TRIO: variants seen among roughly 807,000 people sequenced by gnomAD.
TRIO encodes the protein trio Rho guanine nucleotide exchange factor.
TRIO carries 58 observed loss-of-function variants against 351.9 expected under a neutral mutation model. That is an observed-to-expected ratio of 0.16 (90% CI 0.13 to 0.21). TRIO has a LOEUF of 0.21. TRIO is among the 10% of genes least tolerant of loss of function. TRIO has a pLI of 1.00. For synonymous variants in TRIO, 1,758 were observed against 1,595.7 expected (o/e 1.10, Z -2.42); for missense variants, 3,201 against 4,027.8 (o/e 0.79, Z 5.56).
chr5:14,187,259 G>A (rs1362196483), intron 1 of TRIO, among the ~76,000 whole-genome samples: 1 of 152,266 alleles, frequency 6.6e-6, no homozygotes, highest in East Asian at 1.9e-4. Context: ...GCATTAACAA[G>A]GACTACAGAT....
chr5:14,498,892 G>A (rs1180529440), intron 53 of TRIO: 2 of 416,408 alleles, frequency 4.8e-6, no homozygotes, highest in Non-Finnish European at 4.2e-6. Flanking sequence ...GGAGGATGGG[G>A]GCCTGCCTGG....
At chr5:14,268,728 C>T (rs1320209775) in intron 1 of TRIO, among the ~76,000 whole-genome samples, 1 of 152,236 alleles carries the variant, frequency 6.6e-6, no homozygotes, top group Non-Finnish European at 1.5e-5. Flanking sequence ...GCACTTCGTG[C>T]TGCCTATGAA....
chr5:14,191,721 C>G (rs1324359591), intron 1 of TRIO, among the ~76,000 whole-genome samples: 1 of 152,094 alleles, frequency 6.6e-6, no homozygotes, highest in Non-Finnish European at 1.5e-5. Flanking sequence ...CTGAAGTTGA[C>G]AGTAATCAGA....
At chr5:14,503,619 C>A (rs1303374855) in intron 54 of TRIO, among the ~76,000 whole-genome samples, 1 of 152,250 alleles carries the variant, frequency 6.6e-6, no homozygotes, top group Non-Finnish European at 1.5e-5. Flanking sequence ...GCAGGAGCGT[C>A]AAGGCCTCTG....
At chr5:14,173,485 T>C (rs906229483) in intron 1 of TRIO, among the ~76,000 whole-genome samples, 2 of 152,160 alleles carry the variant, frequency 1.3e-5, no homozygotes, top group African/African-American at 4.8e-5. Flanking sequence ...GTGCTGGGAT[T>C]ACAGGTGTGA....
At position 14,504,552 on chromosome 5, in the gene TRIO, C is replaced by A; in HGVS notation, c.8571C>A (p.Asp2857Glu). ...LQHPLLVGLL[D>E]TFETPTSYIL... ...ACCCCCTGCTTGTCGGCCTCCTCGA[C>A]ACCTTTGAGACCCCCACCAGCTACA... The change falls in exon 55 of 57, where the codon GAC becomes GAA. Residue 2857 changes from aspartate (D) to glutamate (E), a missense_variant. Around this residue, in one of 19 missense-constraint regions of TRIO, gnomAD observed 1,089 missense variants for 954.9 expected, o/e 1.14. Coordinates refer to ENST00000344204, the MANE Select transcript of TRIO (RefSeq NM_007118.4). 1 of 1,614,158 alleles carries A rather than the reference C, an allele frequency of 6.2e-7. No individual in the cohort carries two copies.
chr5:14,291,635 G>C (rs573968876), intron 5 of TRIO, among the ~76,000 whole-genome samples: 1 of 151,188 alleles, frequency 6.6e-6, no homozygotes, highest in South Asian at 2.1e-4. Flanking sequence ...CTAAAAATAC[G>C]AAAATTAGCC....
intron 34 of TRIO, among the ~76,000 whole-genome samples, chr5:14,425,015 G>A (rs1386452339): frequency 6.6e-6 from 1 of 152,124 alleles, no homozygotes; most frequent in Non-Finnish European, 1.5e-5. Flanking sequence ...CATGGCTAAC[G>A]CACGTGAGGG....
intron 1 of TRIO, among the ~76,000 whole-genome samples, chr5:14,213,415 T>C (rs2152197467): frequency 1.3e-5 from 2 of 151,740 alleles, no homozygotes; most frequent in Middle Eastern, 3.4e-3. Context: ...CTCTAGCTGC[T>C]AGCAGAGGCG....
At chr5:14,203,119 T>C (rs1406424155) in intron 1 of TRIO, among the ~76,000 whole-genome samples, 1 of 152,188 alleles carries the variant, frequency 6.6e-6, no homozygotes, top group Non-Finnish European at 1.5e-5. Flanking sequence ...AGTAAACAAG[T>C]TTGATTATTC....
intron 1 of TRIO, among the ~76,000 whole-genome samples, chr5:14,161,287 G>C (rs995085472): frequency 6.6e-6 from 1 of 152,182 alleles, no homozygotes; most frequent in African/African-American, 2.4e-5. Context: ...TCTTGCCCCT[G>C]TTGGCCTGTG....
chr5:14,364,849 C>T (rs192683358), intron 15 of TRIO, 33 bp downstream of exon 15: 45 of 1,587,342 alleles, frequency 2.8e-5, no homozygotes, highest in East Asian at 1.6e-4. Context: ...GGGGAGGCTG[C>T]GCTACAGATG....
intron 49 of TRIO, among the ~76,000 whole-genome samples, chr5:14,493,988 G>A (rs1413682366): frequency 6.6e-6 from 1 of 152,226 alleles, no homozygotes; most frequent in Non-Finnish European, 1.5e-5. Flanking sequence ...TGAGAGAGAT[G>A]AGGAAGCTGC....
chr5:14,291,618 G>A (rs1173612992), intron 5 of TRIO, among the ~76,000 whole-genome samples: 2 of 151,630 alleles, frequency 1.3e-5, no homozygotes, highest in East Asian at 1.9e-4. Flanking sequence ...GTGAAACCCC[G>A]TCTCTACTAA....
intron 1 of TRIO, among the ~76,000 whole-genome samples, chr5:14,166,860 A>G (rs1485385076): frequency 6.6e-6 from 1 of 152,192 alleles, no homozygotes; most frequent in Non-Finnish European, 1.5e-5. Context: ...TGTCTGTGGA[A>G]TATGGGCATA....
In TRIO at chr5:14,401,002, C is replaced by A; in HGVS notation, c.4654C>A (p.Pro1552Thr). The change falls in exon 31 of 57, where the codon CCT (proline) becomes ACT (threonine). Residue 1552 changes from proline to threonine, a missense_variant. Pro to Thr is a conservative substitution (Grantham distance 38, BLOSUM62 -1). Transcript: ENST00000344204. ...TGTCACAGAACATGTTGAAGGAGACCCTTGCAAATTTGCACTGTGGGTGGG... is the reference window on the plus strand; with the variant it reads ...TGTCACAGAACATGTTGAAGGAGACACTTGCAAATTTGCACTGTGGGTGGG... ...LGVTEHVEGD[P>T]CKFALWVGRT... 1 of 1,613,956 alleles carries A rather than the reference C, an allele frequency of 6.2e-7. No homozygotes were observed. Among genetic ancestry groups the A allele is most frequent in the East Asian group, 2.2e-5 (1 of 44,872 alleles).
intron 34 of TRIO, among the ~76,000 whole-genome samples, chr5:14,447,897 G>A (rs2126404333): frequency 6.6e-6 from 1 of 152,304 alleles, no homozygotes; most frequent in Non-Finnish European, 1.5e-5. Context: ...AGAAGGGTGT[G>A]TGAGCACCGT....
chr5:14,143,753 G>A lies in TRIO; in HGVS notation c.28G>A (p.Ala10Thr). The change falls in exon 1 of 57, where the codon GCC becomes ACC. Residue 10 changes from alanine to threonine, a missense_variant. Physicochemically the swap from Ala to Thr is moderately conservative, Grantham distance 58. Around this residue, in one of 19 missense-constraint regions of TRIO, gnomAD observed 109 missense variants for 134.6 expected, o/e 0.81. Transcript: ENST00000344204. ...GAGCGGCAGCAGCGGCGGAGCCGCC[G>A]CCCCCGCCGCGTCCTCCGGCCCCGC... MSGSSGGAA[A>T]PAASSGPAAA... 2 of 987,942 alleles carry A rather than the reference G, an allele frequency of 2.0e-6. No homozygotes were observed. Among genetic ancestry groups the A allele is most frequent in the African/African-American group, 3.5e-5 (2 of 56,708 alleles). The allele number at this position is 987,942 out of a possible 1,614,324, so 61.2% of individuals were successfully genotyped here. A position where few individuals can be genotyped will look rare whatever the true frequency, so the allele number is the denominator to read the frequency against.
At chr5:14,361,617 CG>C (rs755417850) in intron 13 of TRIO, among the ~76,000 whole-genome samples, 1 of 152,144 alleles carries the variant, frequency 6.6e-6, no homozygotes, top group Non-Finnish European at 1.5e-5. Context: ...ATCTGTTACC[CG>C]GTTAATTTAT....
Sources: gnomAD v4.1 joint callset for allele counts (sites outside exome capture counted in the v4.1 genomes callset) on GRCh38, gnomAD v4.1.1 for gene constraint, gnomAD v4.1.1 regional missense constraint, MANE v1.5 for transcripts, NCBI Gene and HGNC (gene_info 2026-07-23, HGNC 2026-07-21) for gene names.